GABRG3: variants seen among roughly 807,000 people sequenced by gnomAD.
GABRG3 encodes the protein gamma-aminobutyric acid receptor subunit gamma-3.
In GABRG3, 25 loss-of-function variants were observed where a neutral mutation model predicts 48.8. The observed-to-expected ratio is 0.51, with a 90% CI of 0.37 to 0.72. GABRG3 has a LOEUF of 0.72. Ranked by LOEUF, GABRG3 falls within the 30% of genes least tolerant of loss-of-function variation. The probability of loss-of-function intolerance (pLI) is 0.00; values close to 1 mark genes in which losing one functional copy is unlikely to be tolerated. For synonymous variants in GABRG3, 227 were observed against 217.6 expected, an observed-to-expected ratio of 1.04 and a Z score of -0.38; for missense variants, 394 against 577.9, an observed-to-expected ratio of 0.68 and a Z score of 3.26.
At chr15:27,249,937 T>C (rs1406492912) in intron 3 of GABRG3, among the ~76,000 whole-genome samples, 1 of 152,170 alleles carries the variant, frequency 6.6e-6, no homozygotes, top group Non-Finnish European at 1.5e-5. Context: ...AGGAAAGAGC[T>C]GGCAGCCTCA....
chr15:27,021,220 T>G (rs1435476605), intron 2 of GABRG3, among the ~76,000 whole-genome samples: 1 of 152,196 alleles, frequency 6.6e-6, no homozygotes, highest in Non-Finnish European at 1.5e-5. Context: ...ACATATTTTT[T>G]CGTGTTGCAA....
intron 3 of GABRG3, among the ~76,000 whole-genome samples, chr15:27,123,871 G>A (rs1897773350): frequency 6.6e-6 from 1 of 152,188 alleles, no homozygotes; most frequent in African/African-American, 2.4e-5. Context: ...AGGCACAGCA[G>A]TCCCTGAGGT....
chr15:27,026,909 A>G (rs1247340422), intron 3 of GABRG3, 88 bp downstream of exon 3: 1 of 886,924 alleles, frequency 1.1e-6, no homozygotes, highest in Non-Finnish European at 1.7e-6. Flanking sequence ...GAGATTTATC[A>G]TGCCGGTTTA....
chr15:27,043,008 C>T (rs933873385), intron 3 of GABRG3, among the ~76,000 whole-genome samples: 16 of 152,338 alleles, frequency 1.1e-4, no homozygotes, highest in African/African-American at 1.9e-4. Flanking sequence ...CCACGGGCTC[C>T]GCGTCCAGCC....
chr15:27,013,504 C>T (rs1208214466), intron 2 of GABRG3, among the ~76,000 whole-genome samples: 1 of 151,932 alleles, frequency 6.6e-6, no homozygotes, highest in Non-Finnish European at 1.5e-5. Context: ...AGTTTTTGGT[C>T]TCATATTTAG....
intron 3 of GABRG3, among the ~76,000 whole-genome samples, chr15:27,050,392 G>A (rs146793360): frequency 1.5e-3 from 223 of 152,210 alleles, no homozygotes; most frequent in African/African-American, 4.8e-3. Context: ...TCCCTTTCTC[G>A]CAGGCACAGC....
At chr15:27,059,307 G>A (rs1371816621) in intron 3 of GABRG3, among the ~76,000 whole-genome samples, 1 of 152,222 alleles carries the variant, frequency 6.6e-6, no homozygotes, top group African/African-American at 2.4e-5. Flanking sequence ...TGGTTTGGAA[G>A]CGGGGTTCCC....
intron 3 of GABRG3, among the ~76,000 whole-genome samples, chr15:27,160,040 C>T (rs1164441099): frequency 6.6e-6 from 1 of 152,136 alleles, no homozygotes; most frequent in Non-Finnish European, 1.5e-5. Flanking sequence ...CCACCTGAAC[C>T]CCTCACTGTC....
At chr15:27,257,948 G>A (rs1464442026) in intron 3 of GABRG3, among the ~76,000 whole-genome samples, 4 of 151,760 alleles carry the variant, frequency 2.6e-5, no homozygotes, top group East Asian at 3.9e-4. Flanking sequence ...TGTGCCCAGC[G>A]TGAGGTCTTT....
intron 3 of GABRG3, among the ~76,000 whole-genome samples, chr15:27,129,324 A>T: frequency 6.6e-6 from 1 of 152,190 alleles, no homozygotes; most frequent in East Asian, 1.9e-4. Context: ...TCCTTTTGCT[A>T]CTGTTTAATT....
intron 9 of GABRG3, among the ~76,000 whole-genome samples, chr15:27,528,430 C>T (rs1393463140): frequency 6.6e-6 from 1 of 152,190 alleles, no homozygotes; most frequent in Non-Finnish European, 1.5e-5. Flanking sequence ...CACAAGCAAT[C>T]TTGGCAGGAC....
intron 3 of GABRG3, among the ~76,000 whole-genome samples, chr15:27,191,770 G>A (rs1566960045): frequency 6.6e-6 from 1 of 151,756 alleles, no homozygotes; most frequent in Non-Finnish European, 1.5e-5. Flanking sequence ...CTGTCATTAT[G>A]ATGTTAGCTG....
intron 5 of GABRG3, among the ~76,000 whole-genome samples, chr15:27,378,115 A>T (rs1393829499): frequency 6.6e-6 from 1 of 152,222 alleles, no homozygotes; most frequent in Non-Finnish European, 1.5e-5. Flanking sequence ...CGGAAAGAAA[A>T]AAAAAAACAT....
At chr15:27,479,008 G>T (rs1301172600) in intron 5 of GABRG3, among the ~76,000 whole-genome samples, 5 of 152,082 alleles carry the variant, frequency 3.3e-5, no homozygotes, top group Non-Finnish European at 7.4e-5. Context: ...GGTGGTGGAT[G>T]TGGGCAGGAA....
intron 3 of GABRG3, among the ~76,000 whole-genome samples, chr15:27,127,793 G>T (rs987505435): frequency 1.3e-5 from 2 of 151,746 alleles, no homozygotes; most frequent in East Asian, 1.9e-4. Context: ...AACAATACAC[G>T]TGTTTACAAC....
rs1056541172 is a variant in GABRG3, at chr15:27,534,647, T to C, written c.*1766T>C. ...CGTAAAATATTTTGCAGAGAAAGTA[T>C]AGAAAAGTATCAATTTCACACAATG... On this transcript the variant is annotated 3_prime_UTR_variant, in exon 10 of 10. Transcript: ENST00000615808. 2 of 152,206 alleles carry C rather than the reference T, an allele frequency of 1.3e-5. No individual in the cohort carries two copies. Among genetic ancestry groups the C allele is most frequent in the African/African-American group, 4.8e-5 (2 of 41,456 alleles). The allele number at this position is 152,206 out of a possible 1,614,324, so 9.4% of individuals were successfully genotyped here.
At chr15:27,267,831 T>C (rs1890968462) in intron 3 of GABRG3, among the ~76,000 whole-genome samples, 1 of 152,226 alleles carries the variant, frequency 6.6e-6, no homozygotes, top group South Asian at 2.1e-4. Flanking sequence ...CTTAAATTAT[T>C]GCAGTGAATT....
intron 2 of GABRG3, among the ~76,000 whole-genome samples, chr15:26,994,594 ATTCT>A (rs1293120468): frequency 6.6e-6 from 1 of 151,960 alleles, no homozygotes; most frequent in Non-Finnish European, 1.5e-5. Flanking sequence ...TTCATCATTT[ATTCT>A]TTCTATTTAA....
intron 3 of GABRG3, among the ~76,000 whole-genome samples, chr15:27,167,996 G>A (rs1212026393): frequency 6.6e-6 from 1 of 152,128 alleles, no homozygotes; most frequent in Non-Finnish European, 1.5e-5. Context: ...GGAGGGACCC[G>A]GCCCAAATCT....
Sources: gnomAD v4.1 joint callset for allele counts (sites outside exome capture counted in the v4.1 genomes callset) on GRCh38, gnomAD v4.1.1 for gene constraint, MANE v1.5 for transcripts, NCBI Gene and HGNC (gene_info 2026-07-23, HGNC 2026-07-21) for gene names.